The following NBEA variants were observed in gnomAD, a reference collection of about 807,000 sequenced individuals.
The protein encoded by NBEA is neurobeachin, also known as lysosomal-trafficking regulator 2.
NBEA carries 44 observed loss-of-function variants against 343.4 expected under a neutral mutation model. The ratio of observed to expected loss-of-function variants is 0.13; its 90% CI spans 0.10 to 0.16. The LOEUF (loss-of-function observed/expected upper bound fraction) is 0.16. Among genes scored for constraint, NBEA ranks in the 10% least tolerant of loss-of-function variants. The pLI is 1.00. For missense variants in NBEA, 2,555 were observed against 3,631.3 expected (o/e 0.70, Z 7.62); for synonymous variants, 1,175 against 1,238.7 (o/e 0.95, Z 1.08).
intron 33 of NBEA, among the ~76,000 whole-genome samples, chr13:35,228,513 T>A (rs978054925): frequency 4.6e-5 from 7 of 152,076 alleles, no homozygotes; most frequent in African/African-American, 1.7e-4. Flanking sequence ...AAGTAATTTC[T>A]TACCTCTCGC....
intron 1 of NBEA, among the ~76,000 whole-genome samples, chr13:35,033,395 T>G (rs1042372832): frequency 3.3e-5 from 5 of 152,052 alleles, no homozygotes; most frequent in Admixed American, 2.6e-4. Flanking sequence ...CCATGCTGTT[T>G]TGGTTACTAT....
At chr13:35,644,169 A>G (rs2084104262) in intron 49 of NBEA, among the ~76,000 whole-genome samples, 1 of 152,224 alleles carries the variant, frequency 6.6e-6, no homozygotes, top group Non-Finnish European at 1.5e-5. Context: ...AGTAGATCAC[A>G]AGGAAGAGGG....
intron 35 of NBEA, among the ~76,000 whole-genome samples, chr13:35,298,382 G>C (rs2036300428): frequency 6.6e-6 from 1 of 151,304 alleles, no homozygotes; most frequent in Non-Finnish European, 1.5e-5. Flanking sequence ...AGTTAAAAAT[G>C]ATGATCTCTA....
intron 39 of NBEA, among the ~76,000 whole-genome samples, chr13:35,443,623 A>G (rs145358346): frequency 5.9e-5 from 9 of 152,124 alleles, no homozygotes; most frequent in African/African-American, 1.7e-4. Context: ...TTTACCTAAA[A>G]TGTATTTGGA....
Position 35,171,445 on chromosome 13 carries a change from A to G in NBEA, c.4416A>G (p.Leu1472=), listed in dbSNP as rs1315932656. 2.5e-6 allele frequency: 4 copies of G among 1,608,884 alleles called. No individual in the cohort carries two copies. In the Admixed American group the frequency reaches 5.0e-5, roughly 20 times the overall value. The change falls in exon 26 of 59, where the codon CTA becomes CTG. Residue 1472 remains leucine (L), a synonymous_variant. Transcript: ENST00000379939. ...MSSGGLMRQC[L]RLVCCVAVRN... is the part of the protein sequence containing the mutation. ...CTGGAGGTTTAATGCGACAGTGCCT[A>G]AGATTAGGTAAGTCTGTTAAAACAA... is the stretch of plus-strand genomic sequence containing the variant.
intron 17 of NBEA, among the ~76,000 whole-genome samples, chr13:35,134,942 A>G (rs183470817): frequency 1.7e-3 from 261 of 152,194 alleles, no homozygotes; most frequent in Middle Eastern, 6.8e-3. Context: ...TTATAATGAC[A>G]TATAAGAGGT....
At chr13:35,120,018 T>C (rs986245949) in intron 16 of NBEA, among the ~76,000 whole-genome samples, 2 of 152,226 alleles carry the variant, frequency 1.3e-5, no homozygotes, top group Non-Finnish European at 2.9e-5. Context: ...TCTGAACTTA[T>C]ATTTAGATTG....
intron 38 of NBEA, among the ~76,000 whole-genome samples, chr13:35,424,311 T>C (rs2152925681): frequency 6.6e-6 from 1 of 152,346 alleles, no homozygotes; most frequent in South Asian, 2.1e-4. Flanking sequence ...CTTATTATTT[T>C]GAGATACGTC....
At chr13:35,292,415 G>T (rs1368891083) in intron 35 of NBEA, among the ~76,000 whole-genome samples, 2 of 152,014 alleles carry the variant, frequency 1.3e-5, no homozygotes. Flanking sequence ...AGTTAATGAT[G>T]CTGTGGAGAT....
chr13:35,536,804 G>A (rs537754257), intron 41 of NBEA, among the ~76,000 whole-genome samples: 33 of 152,246 alleles, frequency 2.2e-4, no homozygotes, highest in African/African-American at 7.7e-4. Context: ...TAATTCTTAC[G>A]CTGATAGCAA....
chr13:35,314,499 C>G (rs2037588050), intron 36 of NBEA, among the ~76,000 whole-genome samples: 1 of 152,084 alleles, frequency 6.6e-6, no homozygotes, highest in Admixed American at 6.6e-5. Flanking sequence ...CTCCCAGTAC[C>G]TCAATTTTTC....
chr13:35,618,061 G>A (rs1283860032), intron 48 of NBEA, among the ~76,000 whole-genome samples: 1 of 152,166 alleles, frequency 6.6e-6, no homozygotes, highest in Non-Finnish European at 1.5e-5. Context: ...TAGCTTTAGA[G>A]AAAATGTGCT....
intron 1 of NBEA, among the ~76,000 whole-genome samples, chr13:34,945,443 G>A (rs1403893706): frequency 6.6e-6 from 1 of 152,024 alleles, no homozygotes; most frequent in Non-Finnish European, 1.5e-5. Context: ...GAAGTCATGG[G>A]CATTTAAAAA....
At chr13:35,201,943 C>G (rs1415276701) in intron 31 of NBEA, among the ~76,000 whole-genome samples, 1 of 151,936 alleles carries the variant, frequency 6.6e-6, no homozygotes, top group African/African-American at 2.4e-5. Context: ...ACATTTATGC[C>G]ATAGACATTT....
intron 2 of NBEA, 65 bp downstream of exon 2, chr13:35,041,229 A>G (rs777209028): frequency 3.3e-5 from 41 of 1,240,026 alleles, no homozygotes; most frequent in Non-Finnish European, 4.3e-5. Context: ...ACTTCTCTTT[A>G]TATTCTATAG....
intron 11 of NBEA, among the ~76,000 whole-genome samples, chr13:35,106,178 T>A (rs1442899685): frequency 1.3e-5 from 2 of 152,046 alleles, no homozygotes; most frequent in Non-Finnish European, 2.9e-5. Context: ...GCTTACATTT[T>A]CTGTAAGATT....
intron 1 of NBEA, among the ~76,000 whole-genome samples, chr13:34,947,630 C>A (rs2152480928): frequency 6.6e-6 from 1 of 152,208 alleles, no homozygotes; most frequent in East Asian, 1.9e-4. Flanking sequence ...ATGTGTGTTT[C>A]CCTTCCTAGG....
intron 46 of NBEA, among the ~76,000 whole-genome samples, chr13:35,592,054 A>G (rs2081563624): frequency 6.6e-6 from 1 of 152,098 alleles, no homozygotes. Flanking sequence ...AGCAAATTTA[A>G]TGACATCAAA....
At chr13:35,539,581 A>C (rs1221793701) in intron 41 of NBEA, among the ~76,000 whole-genome samples, 1 of 152,062 alleles carries the variant, frequency 6.6e-6, no homozygotes, top group Non-Finnish European at 1.5e-5. Context: ...TTAGGATGCA[A>C]ATTTTTAAAA....
Sources: allele counts gnomAD v4.1 joint callset (sites outside exome capture counted in the v4.1 genomes callset), GRCh38; gene constraint gnomAD v4.1.1; transcripts MANE v1.5; gene names NCBI Gene and HGNC (gene_info 2026-07-23, HGNC 2026-07-21).